CPS1: variants seen among roughly 807,000 people sequenced by gnomAD.
CPS1 encodes the protein carbamoyl-phosphate synthase [ammonia], mitochondrial.
CPS1 carries 109 observed loss-of-function variants against 174.6 expected under a neutral mutation model. That is an observed-to-expected ratio of 0.62 (90% CI 0.53 to 0.73). The LOEUF (loss-of-function observed/expected upper bound fraction) is 0.73. Ranked by LOEUF, CPS1 falls within the 30% of genes least tolerant of loss-of-function variation. The pLI is 0.00. For synonymous variants in CPS1, 637 were observed against 632.0 expected (o/e 1.01, Z -0.12); for missense variants, 1,689 against 1,821.9 (o/e 0.93, Z 1.33).
At chr2:210,574,370 T>A (rs999859508) in intron 2 of CPS1, among the ~76,000 whole-genome samples, 1 of 152,060 alleles carries the variant, frequency 6.6e-6, no homozygotes, top group African/African-American at 2.4e-5. Flanking sequence ...AAGGGGGCAT[T>A]AGGTTCACTG....
chr2:210,565,031 TA>T (rs1470481243), intron 1 of CPS1, among the ~76,000 whole-genome samples: 1 of 151,244 alleles, frequency 6.6e-6, no homozygotes, highest in African/African-American at 2.4e-5. Flanking sequence ...AATAAATAAA[TA>T]AAAAATAAAA....
chr2:210,673,591 C>T (rs543918963), intron 34 of CPS1: 55 of 152,176 alleles, frequency 3.6e-4, no homozygotes, highest in Admixed American at 2.0e-3. Context: ...TAAGTGTAAT[C>T]GTGGGTAGAG....
chr2:210,664,136 G>T (rs1456671892), intron 33 of CPS1, among the ~76,000 whole-genome samples: 1 of 151,954 alleles, frequency 6.6e-6, no homozygotes, highest in East Asian at 1.9e-4. Context: ...CCTCTTTGTT[G>T]CTTCTTTTAA....
intron 1 of CPS1, among the ~76,000 whole-genome samples, chr2:210,571,341 C>T (rs6714124): frequency 0.51 from 76,888 of 151,524 alleles, 19,838 homozygotes; most frequent in Middle Eastern, 0.6. Context: ...GCTAATCTTG[C>T]CCAGGAACAC....
Position 210,512,877 on chromosome 2 carries a change from G to GATATATAT in CPS1, c.3+35112_3+35113insTATATATA, listed in dbSNP as rs1461282183. Among the ~76,000 whole-genome samples, 3 of 48,086 alleles carry GATATATAT rather than the reference G, an allele frequency of 6.2e-5. 1 individual carries two copies. The highest frequency in any genetic ancestry group is 1.2e-4 in the African/African-American group (2 of 16,292). 31.5% of individuals were successfully genotyped at this position (48,086 alleles called of 152,430 possible). On this transcript the variant is annotated intron_variant, in intron 1 of 38. Transcript: ENST00000430249. ...ATATATATATAGATATATATATATAGAGATATATATATGGAGATATATATA... is the reference window on the plus strand; with the variant it reads ...ATATATATATAGATATATATATATAGATATATATAGATATATATATGGAGATATATATA...
In CPS1 at chr2:210,676,744, T is replaced by C. The variant is rs149283842; in HGVS notation, c.4275-263T>C. 4.4e-3 allele frequency among the ~76,000 whole-genome samples: 666 copies of C among 152,252 alleles called. 1 individual carries two copies. Among genetic ancestry groups the C allele is most frequent in the African/African-American group, 0.015 (616 of 41,552 alleles). On this transcript the variant is annotated intron_variant, in intron 36 of 37. Transcript: ENST00000233072. ...AATAAGTATCTATCAAATTACCAAT[T>C]CTTAATGAGTGAACAGATAGCATTT...
intron 1 of CPS1, among the ~76,000 whole-genome samples, chr2:210,491,213 G>A (rs931325987): frequency 2.0e-5 from 3 of 149,414 alleles, no homozygotes; most frequent in Non-Finnish European, 4.4e-5. Flanking sequence ...TTAGGATGAT[G>A]TAATTACTGC....
intron 1 of CPS1, chr2:210,519,768 T>G (rs1376766735): frequency 1.0e-6 from 1 of 985,092 alleles, no homozygotes; most frequent in Non-Finnish European, 1.2e-6. Flanking sequence ...ATTTTCCTGA[T>G]GAAAATGTTG....
upstream of CPS1, among the ~76,000 whole-genome samples, chr2:210,554,016 G>T (rs1279262785): frequency 6.7e-6 from 1 of 150,016 alleles, no homozygotes; most frequent in Non-Finnish European, 1.5e-5. Context: ...CAAAATTTCT[G>T]CCTTCTCCTC....
At chr2:210,551,879 A>G (rs1696741327), upstream of CPS1, among the ~76,000 whole-genome samples, 1 of 151,944 alleles carries the variant, frequency 6.6e-6, no homozygotes. Context: ...TCCTTGACAT[A>G]TTGGGAAGGT....
chr2:210,605,640 C>G (rs1184227418), intron 17 of CPS1, among the ~76,000 whole-genome samples: 1 of 151,676 alleles, frequency 6.6e-6, no homozygotes, highest in Admixed American at 6.6e-5. Context: ...GAAAAGTACA[C>G]TAGTTAGATA....
At chr2:210,508,872 A>G (rs1041435779) in intron 1 of CPS1, among the ~76,000 whole-genome samples, 1 of 152,224 alleles carries the variant, frequency 6.6e-6, no homozygotes, top group Non-Finnish European at 1.5e-5. Flanking sequence ...AGGCTCTGAA[A>G]TTGAGGCAAT....
intron 30 of CPS1, chr2:210,658,107 G>A (rs913831223): frequency 5.8e-6 from 1 of 172,920 alleles, no homozygotes; most frequent in African/African-American, 2.4e-5. Flanking sequence ...GGGAAACACT[G>A]TTTCCTTCTG....
intron 34 of CPS1, among the ~76,000 whole-genome samples, chr2:210,669,425 A>G (rs1701220061): frequency 1.3e-5 from 2 of 152,028 alleles, no homozygotes; most frequent in African/African-American, 4.8e-5. Context: ...ATAAGCTCAA[A>G]CTCTGCATGG....
intron 1 of CPS1, among the ~76,000 whole-genome samples, chr2:210,567,806 C>T (rs954675034): frequency 1.3e-5 from 2 of 152,140 alleles, no homozygotes; most frequent in African/African-American, 4.8e-5. Context: ...CATCTTCTAT[C>T]TTTTAGCATG....
At chr2:210,602,076 T>C in intron 15 of CPS1, 126 bp from the exon 16 acceptor site, 2 of 1,136,900 alleles carry the variant, frequency 1.8e-6, no homozygotes, top group Non-Finnish European at 2.6e-6. Context: ...GAGGGAATAA[T>C]AGAACATTTC....
intron 1 of CPS1, among the ~76,000 whole-genome samples, chr2:210,480,765 C>A (rs879303346): frequency 1.3e-5 from 2 of 152,116 alleles, no homozygotes; most frequent in Non-Finnish European, 2.9e-5. Flanking sequence ...GTTGACATTA[C>A]CTTATTTTCT....
intron 17 of CPS1, among the ~76,000 whole-genome samples, chr2:210,606,142 C>G (rs1698899568): frequency 6.6e-6 from 1 of 151,850 alleles, no homozygotes; most frequent in South Asian, 2.1e-4. Context: ...TCTGTGAGCT[C>G]TATTAAAAGG....
At chr2:210,524,896 T>G (rs577879025) in intron 1 of CPS1, among the ~76,000 whole-genome samples, 1 of 152,036 alleles carries the variant, frequency 6.6e-6, no homozygotes, top group Non-Finnish European at 1.5e-5. Flanking sequence ...ACTTTTGTGT[T>G]GCTTGGAATC....
Sources: allele counts gnomAD v4.1 joint callset (sites outside exome capture counted in the v4.1 genomes callset), GRCh38; gene constraint gnomAD v4.1.1; transcripts MANE v1.5; gene names NCBI Gene and HGNC (gene_info 2026-07-23, HGNC 2026-07-21).